USP24: variants seen among roughly 807,000 people sequenced by gnomAD.
The protein encoded by USP24 is ubiquitin carboxyl-terminal hydrolase 24.
In USP24, 97 loss-of-function variants were observed where a neutral mutation model predicts 361.6. The observed-to-expected ratio is 0.27, with a 90% CI of 0.23 to 0.32. The LOEUF is 0.32. Ranked by LOEUF, USP24 falls within the 10% of genes least tolerant of loss-of-function variation. USP24 has a pLI of 1.00. For missense variants in USP24, 2,353 were observed against 3,165.6 expected (o/e 0.74, Z 6.16); for synonymous variants, 1,098 against 1,124.6 (o/e 0.98, Z 0.47).
At chr1:55,178,600 C>T (rs553864274) in intron 1 of USP24, among the ~76,000 whole-genome samples, 7 of 151,834 alleles carry the variant, frequency 4.6e-5, no homozygotes, top group East Asian at 3.9e-4. Flanking sequence ...ACCCGGGAGG[C>T]GGAGCTTGCA....
chr1:55,079,807 C>CTG, intron 59 of USP24, 148 bp from the exon 60 acceptor site: 1 of 757,176 alleles, frequency 1.3e-6, no homozygotes, highest in Non-Finnish European at 1.9e-6. Context: ...TACTCACACA[C>CTG]TGAGTACTCG....
chr1:55,207,945 A>T (rs1275655278), intron 1 of USP24, among the ~76,000 whole-genome samples: 1 of 152,228 alleles, frequency 6.6e-6, no homozygotes, highest in Non-Finnish European at 1.5e-5. Flanking sequence ...AGTACCTAAA[A>T]TATTATTTAT....
At chr1:55,096,206 T>G (rs940247755) in intron 50 of USP24, among the ~76,000 whole-genome samples, 1 of 152,230 alleles carries the variant, frequency 6.6e-6, no homozygotes, top group Non-Finnish European at 1.5e-5. Flanking sequence ...AAGGTTCAAT[T>G]TCAGTATTCA....
chr1:55,162,214 A>C lies in USP24; in HGVS notation c.978T>G (p.Asn326Lys), dbSNP rs1648361257. Residue 326 changes from asparagine (N) to lysine (K), a missense_variant, in exon 8 of 68, where the codon AAT (asparagine) becomes AAG (lysine). Around this residue, in one of 8 missense-constraint regions of USP24, gnomAD observed 386 missense variants for 560.5 expected, o/e 0.69. Transcript: ENST00000294383. Reference protein sequence around the residue: ...QPLGVCAEYLNSSVVQPMLDP... With the variant: ...QPLGVCAEYLKSSVVQPMLDP... Reference sequence around the variant, plus strand: ...TTAATCCTACCTGTACCACGGAGGAATTGAGGTACTCTGCACACACTCCTA... The same window carrying C: ...TTAATCCTACCTGTACCACGGAGGACTTGAGGTACTCTGCACACACTCCTA... 1 of 1,595,394 alleles carries C rather than the reference A, an allele frequency of 6.3e-7. No homozygotes were observed. Among genetic ancestry groups the C allele is most frequent in the Admixed American group, 1.8e-5 (1 of 56,812 alleles).
At chr1:55,203,224 TTAAA>T (rs1430641080) in intron 1 of USP24, among the ~76,000 whole-genome samples, 1 of 152,162 alleles carries the variant, frequency 6.6e-6, no homozygotes, top group Non-Finnish European at 1.5e-5. Context: ...AATGTGATGA[TTAAA>T]TAGAGAAAGT....
intron 64 of USP24, 130 bp from the exon 65 acceptor site, chr1:55,072,991 G>C: frequency 2.3e-6 from 2 of 853,556 alleles, no homozygotes; most frequent in Non-Finnish European, 3.5e-6. Flanking sequence ...CTTAAATGGG[G>C]TTCCTAGAGT....
chr1:55,191,729 A>G (rs894801673), intron 1 of USP24, among the ~76,000 whole-genome samples: 4 of 151,968 alleles, frequency 2.6e-5, no homozygotes, highest in African/African-American at 9.7e-5. Context: ...TGACCTCGTG[A>G]TCTGCCCGCC....
chr1:55,156,810 A>G (rs1206544266), intron 12 of USP24, 138 bp downstream of exon 12: 1 of 571,924 alleles, frequency 1.7e-6, no homozygotes, highest in Admixed American at 3.0e-5. Context: ...AAAACCTGAA[A>G]CTGTAAAGTG....
chr1:55,185,086 G>C (rs1169403329), intron 1 of USP24, among the ~76,000 whole-genome samples: 2 of 151,782 alleles, frequency 1.3e-5, no homozygotes, highest in African/African-American at 2.4e-5. Context: ...CAGCTCCCCA[G>C]CAGCTGGGAC....
At chr1:55,177,353 C>CTAAA (rs1569593164) in intron 2 of USP24, among the ~76,000 whole-genome samples, 1 of 152,236 alleles carries the variant, frequency 6.6e-6, no homozygotes, top group East Asian at 1.9e-4. Flanking sequence ...GGGAATACTG[C>CTAAA]TAAACACACT....
chr1:55,097,749 C>A (rs1385202947), intron 47 of USP24, 32 bp from the exon 48 acceptor site: 3 of 1,522,328 alleles, frequency 2.0e-6, no homozygotes, highest in African/African-American at 2.8e-5. Context: ...AAGAGCAAAT[C>A]TGAATGATCT....
In USP24 at chr1:55,081,365, C is replaced by A; in HGVS notation, c.7035G>T (p.Ala2345=). The change falls in exon 59 of 68, where the codon GCG becomes GCT. Residue 2345 remains alanine, a synonymous_variant. Coordinates refer to ENST00000294383, the MANE Select transcript of USP24 (RefSeq NM_015306.3). Reference sequence around the variant, plus strand: ...AGACATCTGAATGCAAAACAAGTAACGCCACTGTATTGTGAAGATTCCCAA... The same window carrying A: ...AGACATCTGAATGCAAAACAAGTAAAGCCACTGTATTGTGAAGATTCCCAA... The part of the protein sequence containing the change: ...REFGNLHNTV[A]LLVLHSDVSS... 1 of 1,613,656 alleles carries A rather than the reference C, an allele frequency of 6.2e-7. No individual in the cohort carries two copies. Among genetic ancestry groups the A allele is most frequent in the Non-Finnish European group, 8.5e-7 (1 of 1,179,688 alleles).
intron 7 of USP24, among the ~76,000 whole-genome samples, chr1:55,165,617 C>T (rs955135910): frequency 6.6e-6 from 1 of 151,988 alleles, no homozygotes; most frequent in East Asian, 1.9e-4. Flanking sequence ...CAACTTTAAA[C>T]AGTAAGATAA....
At chr1:55,094,346 A>G (rs1336524245) in intron 51 of USP24, among the ~76,000 whole-genome samples, 3 of 152,202 alleles carry the variant, frequency 2.0e-5, no homozygotes, top group Non-Finnish European at 4.4e-5. Context: ...ATTTAACACA[A>G]ATTTTTACTT....
chr1:55,138,993 A>G lies in USP24; in HGVS notation c.2768T>C (p.Ile923Thr). ...QSPYRSTKLV[I>T]IERLLLLAER... ...TGCCAGAAGCAGCAATCTCTCAATT[A>G]TTACAAGTTTAGTAGATCTATAGAT... is the stretch of plus-strand genomic sequence containing the variant. The change falls in exon 25 of 68, where the codon ATA (isoleucine) becomes ACA (threonine). Residue 923 changes from isoleucine to threonine, a missense_variant. Transcript: ENST00000294383. 1.2e-6 allele frequency: 2 copies of G among 1,612,080 alleles called. No individual in the cohort carries two copies. The highest frequency in any genetic ancestry group is 1.7e-6 in the Non-Finnish European group (2 of 1,178,904).
At chr1:55,112,497 T>G (rs540531784) in intron 38 of USP24, among the ~76,000 whole-genome samples, 109 of 152,206 alleles carry the variant, frequency 7.2e-4, no homozygotes, top group African/African-American at 2.5e-3. Flanking sequence ...TGGTTTCAAA[T>G]AACTTATTTA....
Position 55,177,362 on chromosome 1 carries a change from C to T in USP24, c.490+605G>A, listed in dbSNP as rs1162250650. Among the ~76,000 whole-genome samples the T allele has an allele frequency of 2.6e-5, 4 of 152,122 alleles. No individual in the cohort carries two copies. In the South Asian group the frequency reaches 8.3e-4, roughly 32 times the overall value. On this transcript the variant is annotated intron_variant, in intron 2 of 67. Coordinates refer to ENST00000294383, the MANE Select transcript of USP24 (RefSeq NM_015306.3). Reference sequence around the variant, plus strand: ...ATCATTGGGAATACTGCTAAACACACTCTCTTTTTTTCAGACCCACTGCCT... The same window carrying T: ...ATCATTGGGAATACTGCTAAACACATTCTCTTTTTTTCAGACCCACTGCCT...
chr1:55,097,260 G>T, intron 48 of USP24, 88 bp from the exon 49 acceptor site: 1 of 1,403,662 alleles, frequency 7.1e-7, no homozygotes, highest in Non-Finnish European at 9.7e-7. Flanking sequence ...AAGAGGAAGT[G>T]TTTTCCTAGT....
chr1:55,209,100 A>T (rs1459822181), intron 1 of USP24, among the ~76,000 whole-genome samples: 2 of 152,142 alleles, frequency 1.3e-5, no homozygotes, highest in Non-Finnish European at 2.9e-5. Context: ...AAAGGAAGTA[A>T]AACTCCCTAG....
Sources: allele counts gnomAD v4.1 joint callset (sites outside exome capture counted in the v4.1 genomes callset), GRCh38; gene constraint gnomAD v4.1.1; regional missense constraint gnomAD v4.1.1; transcripts MANE v1.5; gene names NCBI Gene and HGNC (gene_info 2026-07-23, HGNC 2026-07-21).